Variants in RNLS observed in about 807,000 individuals in gnomAD.
RNLS encodes the protein renalase.
In RNLS, 39 loss-of-function variants were observed where a neutral mutation model predicts 39.8. That is an observed-to-expected ratio of 0.98 (90% CI 0.76 to 1.28). RNLS has a LOEUF of 1.28. Ranked by LOEUF, RNLS falls within the 50% of genes most tolerant of loss-of-function variation. The pLI, the probability that RNLS is intolerant of heterozygous loss-of-function variation, is 0.00. For missense variants in RNLS, 410 were observed against 413.3 expected, an observed-to-expected ratio of 0.99 and a Z score of 0.07; for synonymous variants, 147 against 150.7, an observed-to-expected ratio of 0.98 and a Z score of 0.18.
intron 4 of RNLS, among the ~76,000 whole-genome samples, chr10:88,532,299 GA>G (rs1263373885): frequency 6.6e-6 from 1 of 151,964 alleles, no homozygotes; most frequent in East Asian, 1.9e-4. Flanking sequence ...AGTTATCACA[GA>G]AGATTTTAGT....
the RNLS span, among the ~76,000 whole-genome samples, chr10:88,238,458 A>G: frequency 6.6e-6 from 1 of 152,262 alleles, no homozygotes; most frequent in Non-Finnish European, 1.5e-5. Flanking sequence ...GCATCTGAGT[A>G]AACAGGGAGT....
intron 5 of RNLS, among the ~76,000 whole-genome samples, chr10:88,319,361 C>CA (rs202201765): frequency 6.2e-4 from 93 of 150,282 alleles, no homozygotes; most frequent in Middle Eastern, 6.9e-3. Context: ...ACTCTAGTAG[C>CA]AAAAAAAAAC....
At chr10:88,463,706 C>T (rs1843054527) in intron 4 of RNLS, among the ~76,000 whole-genome samples, 5 of 152,000 alleles carry the variant, frequency 3.3e-5, no homozygotes, top group South Asian at 2.1e-4. Context: ...GGCATTCAAA[C>T]ATATAATAAA....
chr10:88,582,731 CTATT>C lies in RNLS; in HGVS notation c.118+338_118+341del, dbSNP rs977698956. Among the ~76,000 whole-genome samples, 9 of 152,332 alleles carry C rather than the reference CTATT, an allele frequency of 5.9e-5. No homozygotes were observed. In the South Asian group the frequency reaches 1.5e-3, roughly 25 times the overall value. ...CAACAGACAGACCAAGACAAAAAATCTATTTATTAGGGACAGCAGTAGGCCCAAG... is the reference window on the plus strand; with the variant it reads ...CAACAGACAGACCAAGACAAAAAATCTATTAGGGACAGCAGTAGGCCCAAG... On this transcript the variant is annotated intron_variant, in intron 1 of 6. Coordinates refer to ENST00000331772, the MANE Select transcript of RNLS (RefSeq NM_001031709.3).
chr10:88,466,582 C>A lies in RNLS; in HGVS notation c.527-103857G>T, dbSNP rs573725188. 3.3e-5 allele frequency among the ~76,000 whole-genome samples: 5 copies of A among 152,272 alleles called. No individual in the cohort carries two copies. The South Asian group carries it at 8.3e-4, about 25-fold the overall frequency. Reference sequence around the variant, plus strand: ...TTCCTTCCTTTGCAACCCGCCTCCACCTTTAAAAACGAGCAACAGGCTCAA... The same window carrying A: ...TTCCTTCCTTTGCAACCCGCCTCCAACTTTAAAAACGAGCAACAGGCTCAA... On this transcript the variant is annotated intron_variant, in intron 4 of 6. Coordinates refer to ENST00000331772, the MANE Select transcript of RNLS (RefSeq NM_001031709.3).
Position 88,530,014 on chromosome 10 carries a change from T to C in RNLS, c.526+42889A>G, listed in dbSNP as rs139627115. Among the ~76,000 whole-genome samples, 175 of 152,332 alleles carry C rather than the reference T, an allele frequency of 1.1e-3. 1 individual carries two copies. The highest frequency in any genetic ancestry group is 2.1e-3 in the Non-Finnish European group (146 of 68,024). On this transcript the variant is annotated intron_variant, in intron 4 of 6. Coordinates refer to ENST00000331772, the MANE Select transcript of RNLS (RefSeq NM_001031709.3). ...TTTAGCATTTAAATATGTGGTATCA[T>C]ATGGCAAATAGAATTCTGCAGCTTA... is the stretch of plus-strand genomic sequence containing the variant.
intron 4 of RNLS, among the ~76,000 whole-genome samples, chr10:88,455,086 C>A (rs1842555033): frequency 6.6e-6 from 1 of 152,074 alleles, no homozygotes; most frequent in South Asian, 2.1e-4. Flanking sequence ...GCTAGAGAAG[C>A]ACACAAACTG....
the RNLS span, among the ~76,000 whole-genome samples, chr10:88,183,607 A>G: frequency 6.6e-6 from 1 of 152,144 alleles, no homozygotes; most frequent in Non-Finnish European, 1.5e-5. Flanking sequence ...CTGATCTTAT[A>G]TCAGTACTTC....
At position 88,424,786 on chromosome 10, in the gene RNLS, T is replaced by C. The variant is rs1179371774; in HGVS notation, c.527-62061A>G. On this transcript the variant is annotated intron_variant, in intron 4 of 6. Transcript: ENST00000331772. ...GTGAATGCAGAGTAAGGAAAATGCA[T>C]AGGACCCGAGCTGTTGAGCACTGGG... 3.9e-5 allele frequency among the ~76,000 whole-genome samples: 6 copies of C among 152,210 alleles called. No homozygotes were observed. In the East Asian group the frequency reaches 5.8e-4, roughly 15 times the overall value.
chr10:88,434,111 TA>T (rs1855304184), intron 4 of RNLS, among the ~76,000 whole-genome samples: 1 of 152,176 alleles, frequency 6.6e-6, no homozygotes, highest in African/African-American at 2.4e-5. Flanking sequence ...GTTGCACAAC[TA>T]CCTTAAAACA....
intron 4 of RNLS, among the ~76,000 whole-genome samples, chr10:88,503,867 T>C (rs1396217797): frequency 1.3e-5 from 2 of 152,170 alleles, no homozygotes; most frequent in East Asian, 3.9e-4. Flanking sequence ...TATTAGGTTA[T>C]AAAATGACTA....
chr10:88,484,818 G>GA (rs1191331473), intron 4 of RNLS, among the ~76,000 whole-genome samples: 1 of 151,476 alleles, frequency 6.6e-6, no homozygotes, highest in African/African-American at 2.4e-5. Context: ...GCCAGACAGA[G>GA]AAAAAAAATA....
intron 4 of RNLS, among the ~76,000 whole-genome samples, chr10:88,463,184 T>C (rs896924584): frequency 6.6e-6 from 1 of 152,026 alleles, no homozygotes; most frequent in African/African-American, 2.4e-5. Context: ...ATAGGATCAT[T>C]GCAACTGTCA....
chr10:88,313,014 G>A (rs923690892), intron 6 of RNLS, among the ~76,000 whole-genome samples: 3 of 152,192 alleles, frequency 2.0e-5, no homozygotes, highest in African/African-American at 7.2e-5. Context: ...TGACTTCAGA[G>A]TCGTAAATAT....
At chr10:88,545,841 G>C (rs1180947442) in intron 4 of RNLS, among the ~76,000 whole-genome samples, 1 of 152,114 alleles carries the variant, frequency 6.6e-6, no homozygotes, top group Non-Finnish European at 1.5e-5. Flanking sequence ...AGACTTGGCT[G>C]TTTCAGGTAA....
chr10:88,176,292 A>G, the RNLS span, among the ~76,000 whole-genome samples: 2 of 151,952 alleles, frequency 1.3e-5, no homozygotes, highest in Non-Finnish European at 2.9e-5. Flanking sequence ...CCCCTGCCTC[A>G]GCCTCCCAAG....
intron 5 of RNLS, among the ~76,000 whole-genome samples, chr10:88,328,539 T>C (rs939038619): frequency 6.6e-6 from 1 of 152,234 alleles, no homozygotes; most frequent in Admixed American, 6.5e-5. Context: ...CAAAAAAGTC[T>C]TCTTTTTGAT....
At chr10:88,267,361 G>A in the RNLS span, among the ~76,000 whole-genome samples, 1 of 152,152 alleles carries the variant, frequency 6.6e-6, no homozygotes, top group African/African-American at 2.4e-5. Flanking sequence ...AGGATTGCTT[G>A]ATCCCAGAGT....
chr10:88,394,861 G>C (rs868800494), intron 4 of RNLS, among the ~76,000 whole-genome samples: 9 of 152,180 alleles, frequency 5.9e-5, no homozygotes, highest in Non-Finnish European at 1.0e-4. Flanking sequence ...ATACTATGCA[G>C]CCATAAAAAT....
Sources: gnomAD v4.1 joint callset for allele counts (sites outside exome capture counted in the v4.1 genomes callset) on GRCh38, gnomAD v4.1.1 for gene constraint, MANE v1.5 for transcripts, NCBI Gene and HGNC (gene_info 2026-07-23, HGNC 2026-07-21) for gene names.